The following LPAR1 variants were observed in gnomAD, a reference collection of about 807,000 sequenced individuals.
LPAR1 encodes LPA receptor 1.
LPAR1 carries 5 observed loss-of-function variants against 23.8 expected under a neutral mutation model. The ratio of observed to expected loss-of-function variants is 0.21; its 90% CI spans 0.11 to 0.44. The LOEUF (loss-of-function observed/expected upper bound fraction) is 0.44. LPAR1 is among the 20% of genes least tolerant of loss of function. The probability of loss-of-function intolerance (pLI) is 0.99; values close to 1 mark genes in which losing one functional copy is unlikely to be tolerated. For synonymous variants in LPAR1, 160 were observed against 164.7 expected (o/e 0.97, Z 0.22); for missense variants, 311 against 482.8 (o/e 0.64, Z 3.33).
intron 2 of LPAR1, among the ~76,000 whole-genome samples, chr9:110,989,721 T>G (rs2096860204): frequency 6.6e-6 from 1 of 151,932 alleles, no homozygotes; most frequent in South Asian, 2.1e-4. Context: ...GATGATAGAT[T>G]TAAACATAAC....
At chr9:110,903,041 A>G (rs1469349240) in intron 5 of LPAR1, among the ~76,000 whole-genome samples, 3 of 152,200 alleles carry the variant, frequency 2.0e-5, no homozygotes, top group Non-Finnish European at 4.4e-5. Context: ...AAATGGGATG[A>G]CTGCCTACTA....
At chr9:110,983,060 TG>T in intron 2 of LPAR1, among the ~76,000 whole-genome samples, 1 of 152,198 alleles carries the variant, frequency 6.6e-6, no homozygotes, top group South Asian at 2.1e-4. Flanking sequence ...GCACTGCTGG[TG>T]GGACCAAAAA....
At chr9:110,961,562 G>A (rs1288329866) in intron 4 of LPAR1, among the ~76,000 whole-genome samples, 1 of 141,726 alleles carries the variant, frequency 7.1e-6, no homozygotes, top group Non-Finnish European at 1.5e-5. Flanking sequence ...AGAGGTTGCA[G>A]TGAACTGTGA....
chr9:110,918,065 A>G (rs559842269), intron 5 of LPAR1, among the ~76,000 whole-genome samples: 1 of 152,062 alleles, frequency 6.6e-6, no homozygotes, highest in African/African-American at 2.4e-5. Flanking sequence ...ACCATGCCCA[A>G]CTAACTTTTG....
intron 4 of LPAR1, among the ~76,000 whole-genome samples, chr9:110,970,621 A>G (rs2096387237): frequency 6.6e-6 from 1 of 152,140 alleles, no homozygotes. Context: ...GGTGTTGAGG[A>G]GAAAACACTA....
intron 5 of LPAR1, among the ~76,000 whole-genome samples, chr9:110,928,855 C>A (rs1342807533): frequency 6.6e-6 from 1 of 152,204 alleles, no homozygotes; most frequent in African/African-American, 2.4e-5. Flanking sequence ...ATCTTTTCTG[C>A]ATGTTCTTTA....
At chr9:111,027,102 G>C (rs998566290) in intron 2 of LPAR1, among the ~76,000 whole-genome samples, 1 of 152,150 alleles carries the variant, frequency 6.6e-6, no homozygotes, top group Admixed American at 6.5e-5. Context: ...AGAAGGAATG[G>C]TACCAGCTCC....
intron 2 of LPAR1, among the ~76,000 whole-genome samples, chr9:111,012,419 T>C (rs565015129): frequency 6.6e-6 from 1 of 151,958 alleles, no homozygotes; most frequent in Non-Finnish European, 1.5e-5. Context: ...GCTTGCCGAA[T>C]TGTTATTGTT....
At chr9:110,977,878 AGG>A (rs1268029030) in intron 2 of LPAR1, among the ~76,000 whole-genome samples, 2 of 148,518 alleles carry the variant, frequency 1.3e-5, no homozygotes, top group Non-Finnish European at 1.5e-5. Flanking sequence ...GAAGGAAGGA[AGG>A]AAGGAAGGAA....
intron 5 of LPAR1, among the ~76,000 whole-genome samples, chr9:110,939,142 C>T (rs897352396): frequency 3.3e-5 from 5 of 152,258 alleles, no homozygotes; most frequent in East Asian, 3.9e-4. Context: ...CCCATGTAAC[C>T]GTGCCTATCT....
chr9:111,038,738 GC>G (rs2097948190), upstream of LPAR1: 1 of 434,922 alleles, frequency 2.3e-6, no homozygotes, highest in African/African-American at 2.1e-5. This position sits in a 1 kb window ranked among gnomAD's most constrained non-coding sequence, Gnocchi z 4.4. Flanking sequence ...CAGGGCCGGG[GC>G]TGGGGGGTGG....
intron 4 of LPAR1, among the ~76,000 whole-genome samples, chr9:110,956,366 A>G (rs1246726378): frequency 6.6e-6 from 1 of 150,776 alleles, no homozygotes; most frequent in Non-Finnish European, 1.5e-5. Context: ...CTGCACATGT[A>G]CCCCAGAACT....
intron 5 of LPAR1, among the ~76,000 whole-genome samples, chr9:110,897,920 A>T (rs2087028610): frequency 1.3e-5 from 2 of 152,108 alleles, no homozygotes; most frequent in African/African-American, 2.4e-5. Context: ...TTCACAAGGG[A>T]TACATAAAAT....
intron 5 of LPAR1, among the ~76,000 whole-genome samples, chr9:110,900,819 GA>G (rs1452295462): frequency 6.6e-6 from 1 of 152,150 alleles, no homozygotes; most frequent in African/African-American, 2.4e-5. Flanking sequence ...TCTCAAAAGT[GA>G]AGGTAGTATT....
intron 2 of LPAR1, among the ~76,000 whole-genome samples, chr9:111,014,491 G>A (rs925827502): frequency 5.3e-5 from 8 of 151,802 alleles, no homozygotes; most frequent in African/African-American, 1.7e-4. Context: ...TGAATGATCC[G>A]AGCCATTCTT....
intron 5 of LPAR1, among the ~76,000 whole-genome samples, chr9:110,903,856 T>C (rs1330995426): frequency 1.1e-5 from 1 of 94,190 alleles, no homozygotes; most frequent in East Asian, 3.3e-4. Flanking sequence ...GGACATTTCA[T>C]AATTAAAATT....
chr9:110,981,069 TAAGGA>T (rs2096656214), intron 2 of LPAR1, among the ~76,000 whole-genome samples: 1 of 152,124 alleles, frequency 6.6e-6, no homozygotes, highest in African/African-American at 2.4e-5. Context: ...AACTCTTTTA[TAAGGA>T]AACTACCTTA....
chr9:110,916,902 TAA>T (rs1441677877), intron 5 of LPAR1, among the ~76,000 whole-genome samples: 1 of 150,162 alleles, frequency 6.7e-6, no homozygotes, highest in African/African-American at 2.5e-5. Context: ...TAGGCCAAAA[TAA>T]AGTCTTTTTT....
intron 5 of LPAR1, among the ~76,000 whole-genome samples, chr9:110,884,625 A>T (rs1473031720): frequency 6.6e-6 from 1 of 152,190 alleles, no homozygotes; most frequent in Non-Finnish European, 1.5e-5. Context: ...ATCCTCTCCT[A>T]CCTGAAACTG....
Sources: gnomAD v4.1 joint callset for allele counts (sites outside exome capture counted in the v4.1 genomes callset) on GRCh38, gnomAD v4.1.1 for gene constraint, Gnocchi (gnomAD v3.1) non-coding constraint, MANE v1.5 for transcripts, NCBI Gene and HGNC (gene_info 2026-07-23, HGNC 2026-07-21) for gene names.